Variants in ATP9B observed in about 807,000 individuals in gnomAD.
ATP9B encodes probable phospholipid-transporting ATPase IIB.
A neutral mutation model predicts 146.1 loss-of-function variants in ATP9B; 110 were observed. The observed-to-expected ratio is 0.75, with a 90% CI of 0.65 to 0.88. The LOEUF is 0.88. Ranked by LOEUF, ATP9B falls within the 40% of genes least tolerant of loss-of-function variation. The pLI is 0.00. For missense variants in ATP9B, 1,499 were observed against 1,496.4 expected (o/e 1.00, Z -0.03); for synonymous variants, 604 against 569.7 (o/e 1.06, Z -0.86).
chr18:79,344,989 A>C (rs1487133746), intron 21 of ATP9B, among the ~76,000 whole-genome samples: 1 of 152,192 alleles, frequency 6.6e-6, no homozygotes, highest in Non-Finnish European at 1.5e-5. Context: ...TCCTGGGCTT[A>C]ATCGTCCTGG....
intron 11 of ATP9B, among the ~76,000 whole-genome samples, chr18:79,218,925 G>A (rs1449359775): frequency 1.3e-5 from 2 of 152,194 alleles, no homozygotes; most frequent in Non-Finnish European, 2.9e-5. Flanking sequence ...CAACAGCCAC[G>A]AACAAGATTT....
chr18:79,349,331 G>A (rs1308765769), intron 25 of ATP9B, among the ~76,000 whole-genome samples: 1 of 152,192 alleles, frequency 6.6e-6, no homozygotes, highest in African/African-American at 2.4e-5. Flanking sequence ...CGATGCTCTT[G>A]GCGTTGAACG....
chr18:79,261,673 CAT>C (rs1303387822), intron 12 of ATP9B, among the ~76,000 whole-genome samples: 2 of 152,198 alleles, frequency 1.3e-5, no homozygotes, highest in Non-Finnish European at 2.9e-5. Flanking sequence ...CAGTACACCA[CAT>C]AGAGTCATTT....
At chr18:79,236,404 G>C (rs575431215) in intron 11 of ATP9B, among the ~76,000 whole-genome samples, 54 of 152,158 alleles carry the variant, frequency 3.5e-4, no homozygotes, top group Non-Finnish European at 5.9e-4. Flanking sequence ...CACTCTGCTG[G>C]TTGCCTTCTC....
Position 79,377,410 on chromosome 18 carries a change from C to A in ATP9B, c.*27C>A, listed in dbSNP as rs959150291. ...GGGCTGTGCACCCCCAGCGGGCTGG[C>A]CCCAGCACCTTCTGCCCTTCCCAGC... On this transcript the variant is annotated 3_prime_UTR_variant, in exon 30 of 30. Transcript: ENST00000426216. 1 of 1,601,688 alleles carries A rather than the reference C, an allele frequency of 6.2e-7. No homozygotes were observed. The highest frequency in any genetic ancestry group is 8.5e-7 in the Non-Finnish European group (1 of 1,179,206).
chr18:79,138,924 C>T lies in ATP9B; in HGVS notation c.668-4878C>T, dbSNP rs141614451. Among the ~76,000 whole-genome samples the T allele has an allele frequency of 1.0e-3, 157 of 152,022 alleles. 2 individuals are homozygous for T. The highest frequency in any genetic ancestry group is 3.6e-3 in the African/African-American group (151 of 41,458). On this transcript the variant is annotated intron_variant, in intron 5 of 29. Coordinates refer to ENST00000426216, the MANE Select transcript of ATP9B (RefSeq NM_198531.5). ...CTCTACAAAAAATACAAAAATTAGC[C>T]GAGTGTGGTGGTGCGTACTTGTAGT...
At chr18:79,186,693 A>G (rs2095310995) in intron 8 of ATP9B, among the ~76,000 whole-genome samples, 1 of 152,218 alleles carries the variant, frequency 6.6e-6, no homozygotes, top group Non-Finnish European at 1.5e-5. Flanking sequence ...CATGTAAACT[A>G]GCTTAATTTA....
intron 9 of ATP9B, among the ~76,000 whole-genome samples, chr18:79,197,624 A>T (rs907371294): frequency 9.2e-5 from 14 of 152,168 alleles, no homozygotes; most frequent in Non-Finnish European, 1.8e-4. Context: ...TAATTCTCAG[A>T]GCAACCACTA....
chr18:79,274,503 T>C (rs982720095), intron 12 of ATP9B, among the ~76,000 whole-genome samples: 1 of 152,060 alleles, frequency 6.6e-6, no homozygotes, highest in African/African-American at 2.4e-5. Flanking sequence ...TATGTGGTAG[T>C]ATATGCATCC....
intron 9 of ATP9B, among the ~76,000 whole-genome samples, chr18:79,197,267 A>C (rs1460040970): frequency 6.6e-6 from 1 of 152,158 alleles, no homozygotes; most frequent in African/African-American, 2.4e-5. Context: ...GAATTTCTAT[A>C]AAATATTGGT....
At chr18:79,212,172 A>AT (rs1433896100) in intron 10 of ATP9B, among the ~76,000 whole-genome samples, 1 of 152,220 alleles carries the variant, frequency 6.6e-6, no homozygotes, top group Admixed American at 6.5e-5. Flanking sequence ...TTCTGCACTG[A>AT]TTCTAGTTAC....
At chr18:79,197,411 G>A (rs2095426924) in intron 9 of ATP9B, among the ~76,000 whole-genome samples, 1 of 151,782 alleles carries the variant, frequency 6.6e-6, no homozygotes, top group Admixed American at 6.6e-5. Flanking sequence ...ATGACAAAGT[G>A]AACAAAAAGA....
chr18:79,361,229 C>T (rs537343530), intron 26 of ATP9B: 38 of 152,238 alleles, frequency 2.5e-4, no homozygotes, highest in African/African-American at 8.7e-4. Flanking sequence ...GGCAGTAACA[C>T]GTTTTTACTG....
chr18:79,201,125 T>A (rs1437169244), intron 9 of ATP9B, among the ~76,000 whole-genome samples: 2 of 152,242 alleles, frequency 1.3e-5, no homozygotes, highest in Non-Finnish European at 2.9e-5. Context: ...ACATTTACTT[T>A]GTGTAAATTA....
intron 9 of ATP9B, among the ~76,000 whole-genome samples, chr18:79,198,540 GATGGAGTGC>G (rs1309411500): frequency 6.6e-6 from 1 of 152,104 alleles, no homozygotes; most frequent in Non-Finnish European, 1.5e-5. Context: ...GTGCAAACAT[GATGGAGTGC>G]ACTTACACAA....
intron 7 of ATP9B, among the ~76,000 whole-genome samples, chr18:79,167,913 G>GT (rs2095001480): frequency 3.1e-5 from 1 of 32,628 alleles, no homozygotes; most frequent in African/African-American, 5.3e-4. Flanking sequence ...TTTGTCCCAA[G>GT]GTTGCCTGCA....
In ATP9B at chr18:79,249,626, A is replaced by G. The variant is rs1232478147; in HGVS notation, c.1108-3755A>G. Among the ~76,000 whole-genome samples the G allele has an allele frequency of 3.3e-5, 5 of 152,244 alleles. No individual in the cohort carries two copies. In the East Asian group the frequency reaches 9.6e-4, roughly 29 times the overall value. ...TTTAAAGAAGGAAGAGATCCACATC[A>G]AAACTAAAGTTACCACCTTCTTTAT... On this transcript the variant is annotated intron_variant, in intron 11 of 29. Coordinates refer to ENST00000426216, the MANE Select transcript of ATP9B (RefSeq NM_198531.5).
At chr18:79,276,943 A>T in intron 12 of ATP9B, 111 bp from the exon 13 acceptor site, 1 of 1,487,444 alleles carries the variant, frequency 6.7e-7, no homozygotes, top group East Asian at 2.3e-5. Context: ...GAACTTGGAC[A>T]TGGGTCTGGA....
chr18:79,365,482 C>G (rs2097021168), intron 26 of ATP9B, among the ~76,000 whole-genome samples: 1 of 152,244 alleles, frequency 6.6e-6, no homozygotes. Flanking sequence ...TACCCCATGA[C>G]CCAGTAGTCC....
Sources: gnomAD v4.1 joint callset for allele counts (sites outside exome capture counted in the v4.1 genomes callset) on GRCh38, gnomAD v4.1.1 for gene constraint, MANE v1.5 for transcripts, NCBI Gene and HGNC (gene_info 2026-07-23, HGNC 2026-07-21) for gene names.